The following PARD3B variants were observed in gnomAD, a reference collection of about 807,000 sequenced individuals.
PARD3B encodes the protein partitioning defective 3 homolog B.
In PARD3B, 103 loss-of-function variants were observed where a neutral mutation model predicts 130.2. The observed-to-expected ratio is 0.79, with a 90% CI of 0.67 to 0.93. PARD3B has a LOEUF of 0.93. Among genes scored for constraint, PARD3B ranks in the 40% least tolerant of loss-of-function variants. The probability of loss-of-function intolerance (pLI) is 0.00; values close to 1 mark genes in which losing one functional copy is unlikely to be tolerated. For synonymous variants in PARD3B, 583 were observed against 553.2 expected (o/e 1.05, Z -0.76); for missense variants, 1,609 against 1,499.2 (o/e 1.07, Z -1.21).
chr2:205,193,267 C>A lies in PARD3B; in HGVS notation c.2087C>A (p.Pro696Gln). 3.1e-6 allele frequency: 5 copies of A among 1,613,714 alleles called. No individual in the cohort carries two copies. The highest frequency in any genetic ancestry group is 4.2e-6 in the Non-Finnish European group (5 of 1,179,668). ...DQHINFRSVT[P>Q]ARQPESINLK... ...CACATCAACTTCAGATCTGTGACAC[C>A]GGCCAGGCAGCCTGAATCAATTAAT... Residue 696 changes from proline (P) to glutamine (Q), a missense_variant, in exon 15 of 23, where the codon CCG (proline) becomes CAG (glutamine). Physicochemically the swap from Pro to Gln is moderately conservative, Grantham distance 76. Coordinates refer to ENST00000406610, the MANE Select transcript of PARD3B (RefSeq NM_001302769.2).
intron 22 of PARD3B, among the ~76,000 whole-genome samples, chr2:205,608,383 AG>A (rs2055096838): frequency 6.6e-6 from 1 of 152,212 alleles, no homozygotes; most frequent in Non-Finnish European, 1.5e-5. Flanking sequence ...AGATGATTTA[AG>A]GGGCCTATCA....
chr2:204,890,303 G>T lies in PARD3B; in HGVS notation c.223-74849G>T, dbSNP rs142333923. The stretch of plus-strand genomic sequence containing the variant: ...ATACTTACTGAATGAATAAATAGAA[G>T]ATGACAAGGCATGGAACAGCATAAT... On this transcript the variant is annotated intron_variant, in intron 2 of 22. Transcript: ENST00000406610. This position sits in a 1 kb window ranked among gnomAD's most constrained non-coding sequence, Gnocchi z 4.9. Among the ~76,000 whole-genome samples the T allele has an allele frequency of 1.1e-3, 161 of 152,270 alleles. No homozygotes were observed. The highest frequency in any genetic ancestry group is 3.8e-3 in the African/African-American group (160 of 41,562).
At chr2:204,635,601 T>G (rs553765071) in intron 1 of PARD3B, among the ~76,000 whole-genome samples, 1 of 152,108 alleles carries the variant, frequency 6.6e-6, no homozygotes, top group Non-Finnish European at 1.5e-5. Flanking sequence ...ACAGGAAGCT[T>G]CAAATTAACT....
intron 21 of PARD3B, among the ~76,000 whole-genome samples, chr2:205,511,086 C>T (rs1208588642): frequency 1.3e-5 from 2 of 152,188 alleles, no homozygotes; most frequent in Non-Finnish European, 2.9e-5. Flanking sequence ...GAATATTCAT[C>T]TATAAGCACT....
intron 18 of PARD3B, among the ~76,000 whole-genome samples, chr2:205,306,573 TTCCCTTTTA>T (rs373716038): frequency 6.6e-6 from 1 of 152,334 alleles, no homozygotes; most frequent in East Asian, 1.9e-4. Context: ...GTGCTGGTTC[TTCCCTTTTA>T]TTGTCCCATA....
chr2:205,191,392 G>C lies in PARD3B; in HGVS notation c.2025-1813G>C, dbSNP rs147808242. On this transcript the variant is annotated intron_variant, in intron 14 of 22. Transcript: ENST00000406610. The stretch of plus-strand genomic sequence containing the variant: ...CACTCACCCTGACATTTTCCTACAG[G>C]GGCCACTCTCCTAACCATCAAACCA... Among the ~76,000 whole-genome samples the C allele has an allele frequency of 2.8e-3, 430 of 152,108 alleles. 1 individual carries two copies. Among genetic ancestry groups the C allele is most frequent in the Non-Finnish European group, 4.5e-3 (306 of 68,008 alleles).
rs569341341 is a variant in PARD3B at position 205,568,034 on chromosome 2, C to T, written c.3260+14631C>T. On this transcript the variant is annotated intron_variant, in intron 22 of 22. Coordinates refer to ENST00000406610, the MANE Select transcript of PARD3B (RefSeq NM_001302769.2). This position sits in a 1 kb window ranked among gnomAD's most constrained non-coding sequence, Gnocchi z 5.3. Reference sequence around the variant, plus strand: ...AAGAGTTGTTCCTAAGATATCAACTCCCCAGCACTTCTTCCTGTCCAGTGC... The same window carrying T: ...AAGAGTTGTTCCTAAGATATCAACTTCCCAGCACTTCTTCCTGTCCAGTGC... Among the ~76,000 whole-genome samples, 1 of 152,260 alleles carries T rather than the reference C, an allele frequency of 6.6e-6. No homozygotes were observed. Among genetic ancestry groups the T allele is most frequent in the African/African-American group, 2.4e-5 (1 of 41,554 alleles).
At chr2:205,256,060 G>A (rs9288362) in intron 16 of PARD3B, among the ~76,000 whole-genome samples, 5,326 of 152,070 alleles carry the variant, frequency 0.035, 127 homozygotes, top group Middle Eastern at 0.058. Context: ...TCTTATTAAC[G>A]TTCAAAGATA....
chr2:205,082,308 A>T (rs1235482735), intron 4 of PARD3B, among the ~76,000 whole-genome samples: 1 of 152,170 alleles, frequency 6.6e-6, no homozygotes, highest in Admixed American at 6.5e-5. Context: ...ATAGGGCTGA[A>T]CTCTATAGTA....
intron 3 of PARD3B, among the ~76,000 whole-genome samples, chr2:204,965,540 A>G (rs938300970): frequency 2.0e-5 from 3 of 152,178 alleles, no homozygotes; most frequent in African/African-American, 7.2e-5. Flanking sequence ...GCAGAATTGT[A>G]TGCCCTCGAA....
chr2:205,356,525 G>A (rs2044197817), intron 18 of PARD3B, among the ~76,000 whole-genome samples: 1 of 151,972 alleles, frequency 6.6e-6, no homozygotes, highest in Non-Finnish European at 1.5e-5. Context: ...ACTGCACCTG[G>A]CTGAGATTAT....
At chr2:204,935,443 G>A (rs1013014392) in intron 2 of PARD3B, among the ~76,000 whole-genome samples, 2 of 151,564 alleles carry the variant, frequency 1.3e-5, no homozygotes, top group Non-Finnish European at 2.9e-5. Context: ...GGAGGCTGAG[G>A]CAGGAGAATG....
intron 4 of PARD3B, among the ~76,000 whole-genome samples, chr2:205,057,266 A>T (rs1188780310): frequency 2.0e-5 from 3 of 149,826 alleles, no homozygotes; most frequent in Non-Finnish European, 4.5e-5. Flanking sequence ...CGTATATGTT[A>T]TATGTATGTT....
rs1469048315 is a variant in PARD3B at position 204,965,192 on chromosome 2, T to C, written c.263T>C (p.Ile88Thr). The C allele has an allele frequency of 2.7e-5, 43 of 1,613,776 alleles. No homozygotes were observed. Among genetic ancestry groups the C allele is most frequent in the Admixed American group, 2.0e-4 (12 of 59,958 alleles). The change falls in exon 3 of 23, where the codon ATT becomes ACT. Residue 88 changes from isoleucine (I) to threonine (T), a missense_variant. Ile to Thr is a moderately conservative substitution (Grantham distance 89). Transcript: ENST00000406610. ...VFEEQEPLHK[I>T]ESPSGNPADR... Reference sequence around the variant, plus strand: ...GAAGAACAAGAACCACTCCACAAGATTGAGAGCCCCAGTGGAAACCCTGCA... The same window carrying C: ...GAAGAACAAGAACCACTCCACAAGACTGAGAGCCCCAGTGGAAACCCTGCA...
At chr2:205,076,789 C>A (rs1412495002) in intron 4 of PARD3B, among the ~76,000 whole-genome samples, 3 of 152,156 alleles carry the variant, frequency 2.0e-5, no homozygotes, top group South Asian at 4.1e-4. Context: ...TCCCCCACCC[C>A]CTTCCATGAA....
At chr2:204,979,250 TA>T (rs1404035888) in intron 3 of PARD3B, among the ~76,000 whole-genome samples, 1 of 147,000 alleles carries the variant, frequency 6.8e-6, no homozygotes, top group Admixed American at 6.8e-5. Flanking sequence ...AAATGGAGAG[TA>T]AATAAAATCA....
chr2:204,669,068 C>A lies in PARD3B; in HGVS notation c.121-17113C>A, dbSNP rs990974166. Among the ~76,000 whole-genome samples, 1 of 152,140 alleles carries A rather than the reference C, an allele frequency of 6.6e-6. No individual in the cohort carries two copies. Among genetic ancestry groups the A allele is most frequent in the African/African-American group, 2.4e-5 (1 of 41,432 alleles). ...AGGTCCACTCACATCTTGATGTTCA[C>A]CTAGTAAGATCCACGCCTGACTTCA... On this transcript the variant is annotated intron_variant, in intron 1 of 22. Coordinates refer to ENST00000406610, the MANE Select transcript of PARD3B (RefSeq NM_001302769.2). This position sits in a 1 kb window ranked among gnomAD's most constrained non-coding sequence, Gnocchi z 4.3.
chr2:205,296,659 GTGTA>G (rs1403144744), intron 16 of PARD3B, among the ~76,000 whole-genome samples: 14 of 135,002 alleles, frequency 1.0e-4, no homozygotes, highest in South Asian at 8.9e-4. Context: ...GAGTGTGTTT[GTGTA>G]TGTGTGTGTG....
At position 205,252,545 on chromosome 2, in the gene PARD3B, G is replaced by A. The variant is rs537018335; in HGVS notation, c.2185+6723G>A. Among the ~76,000 whole-genome samples the A allele has an allele frequency of 4.6e-5, 7 of 152,166 alleles. 1 individual carries two copies. The highest frequency in any genetic ancestry group is 6.8e-3 in the Middle Eastern group (2 of 294). ...ATCTGAAAGCAAAATAGAAACTGGCGATACAGAAAAGGTCAATGAGCCAAC... is the reference window on the plus strand; with the variant it reads ...ATCTGAAAGCAAAATAGAAACTGGCAATACAGAAAAGGTCAATGAGCCAAC... On this transcript the variant is annotated intron_variant, in intron 16 of 22. Transcript: ENST00000406610.
Sources: allele counts gnomAD v4.1 joint callset (sites outside exome capture counted in the v4.1 genomes callset), GRCh38; gene constraint gnomAD v4.1.1; non-coding constraint Gnocchi (gnomAD v3.1); transcripts MANE v1.5; gene names NCBI Gene and HGNC (gene_info 2026-07-23, HGNC 2026-07-21).